Variants in CNTNAP2 observed in about 807,000 individuals in gnomAD.
CNTNAP2 encodes the protein contactin associated protein 2, also known as contactin-associated protein-like 2.
CNTNAP2 carries 98 observed loss-of-function variants against 155.2 expected under a neutral mutation model. The ratio of observed to expected loss-of-function variants is 0.63; its 90% CI spans 0.54 to 0.75. The LOEUF (loss-of-function observed/expected upper bound fraction) is 0.75, where lower values mean the gene tolerates loss of function less well. Ranked by LOEUF, CNTNAP2 falls within the 30% of genes least tolerant of loss-of-function variation. The pLI, the probability that CNTNAP2 is intolerant of heterozygous loss-of-function variation, is 0.00. For missense variants in CNTNAP2, 1,727 were observed against 1,688.1 expected, an observed-to-expected ratio of 1.02 and a Z score of -0.40; for synonymous variants, 651 against 631.2, an observed-to-expected ratio of 1.03 and a Z score of -0.47.
chr7:147,930,099 C>A (rs941293079), intron 14 of CNTNAP2, among the ~76,000 whole-genome samples: 2 of 151,668 alleles, frequency 1.3e-5, no homozygotes, highest in Non-Finnish European at 2.9e-5. Context: ...GAGTTGGGAA[C>A]CCCTGTATAG....
chr7:146,250,614 G>A (rs1397224055), intron 1 of CNTNAP2, among the ~76,000 whole-genome samples: 3 of 152,094 alleles, frequency 2.0e-5, no homozygotes, highest in Non-Finnish European at 4.4e-5. Flanking sequence ...TCTACTGATG[G>A]CATCACTATG....
intron 15 of CNTNAP2, among the ~76,000 whole-genome samples, chr7:148,084,185 C>T (rs888273128): frequency 1.3e-5 from 2 of 152,142 alleles, no homozygotes; most frequent in East Asian, 1.9e-4. Context: ...TCTTTTAATG[C>T]GTTCATTACT....
chr7:147,070,156 G>A (rs1421622913), intron 4 of CNTNAP2, among the ~76,000 whole-genome samples: 2 of 152,088 alleles, frequency 1.3e-5, no homozygotes, highest in Admixed American at 6.6e-5. Context: ...TTTACATATT[G>A]CAATTTTATG....
At chr7:147,073,810 A>G (rs1030901559) in intron 4 of CNTNAP2, among the ~76,000 whole-genome samples, 2 of 152,132 alleles carry the variant, frequency 1.3e-5, no homozygotes, top group Admixed American at 6.5e-5. Flanking sequence ...GTTGTTGGTG[A>G]CCATAGCATG....
At chr7:147,421,423 C>T (rs1797288554) in intron 10 of CNTNAP2, among the ~76,000 whole-genome samples, 1 of 151,964 alleles carries the variant, frequency 6.6e-6, no homozygotes, top group Non-Finnish European at 1.5e-5. Context: ...CACTTTTATT[C>T]ATTCAAAATA....
chr7:147,124,770 A>G (rs1431613434), intron 6 of CNTNAP2, among the ~76,000 whole-genome samples: 1 of 152,112 alleles, frequency 6.6e-6, no homozygotes, highest in East Asian at 1.9e-4. Context: ...GCTAGCGTAA[A>G]TTAAATATAC....
Position 147,677,134 on chromosome 7 carries a change from C to A in CNTNAP2, c.2098+37828C>A, listed in dbSNP as rs1260780194. ...ACTGGCTAGTTTACATTATCACCAA[C>A]ATCAGGCAAGTTCTCCTTTCTTTAC... On this transcript the variant is annotated intron_variant, in intron 13 of 23. Transcript: ENST00000361727. 2.6e-5 allele frequency among the ~76,000 whole-genome samples: 4 copies of A among 151,534 alleles called. No individual in the cohort carries two copies. The East Asian group carries it at 7.8e-4, about 29-fold the overall frequency.
In CNTNAP2 at chr7:147,733,184, T is replaced by G. The variant is rs550123907; in HGVS notation, c.2098+93878T>G. On this transcript the variant is annotated intron_variant, in intron 13 of 23. Transcript: ENST00000361727. ...GTTTTAGGTCTAACATTTAAGTCTT[T>G]AATCCATCTTGAATTCATTTTTGTA... is the stretch of plus-strand genomic sequence containing the variant. 2.5e-4 allele frequency among the ~76,000 whole-genome samples: 38 copies of G among 152,358 alleles called. No individual in the cohort carries two copies. The South Asian group carries it at 6.4e-3, about 26-fold the overall frequency.
At chr7:147,120,403 G>C (rs1801080078) in intron 5 of CNTNAP2, among the ~76,000 whole-genome samples, 1 of 152,076 alleles carries the variant, frequency 6.6e-6, no homozygotes, top group African/African-American at 2.4e-5. Flanking sequence ...AGCTAAAAGT[G>C]GAGCCAGCAT....
chr7:147,212,761 A>G (rs1197863098), intron 8 of CNTNAP2, among the ~76,000 whole-genome samples: 2 of 152,158 alleles, frequency 1.3e-5, no homozygotes, highest in Admixed American at 1.3e-4. Flanking sequence ...TTAAAAACAA[A>G]ATTGTATTCT....
chr7:146,931,334 C>A (rs951026977), intron 3 of CNTNAP2, among the ~76,000 whole-genome samples: 77 of 151,756 alleles, frequency 5.1e-4, no homozygotes, highest in Middle Eastern at 3.4e-3. Flanking sequence ...TCCTGAATGA[C>A]TACTGGGTAC....
At position 147,927,142 on chromosome 7, in the gene CNTNAP2, A is replaced by T. The variant is rs370247387; in HGVS notation, c.2255+23421A>T. Among the ~76,000 whole-genome samples the T allele has an allele frequency of 2.3e-4, 35 of 152,322 alleles. No individual in the cohort carries two copies. The East Asian group carries it at 5.4e-3, about 23-fold the overall frequency. ...AGATAAATATGCATTTATTCTATTT[A>T]GTTGTAGAATGATAAAGATAATTTT... On this transcript the variant is annotated intron_variant, in intron 14 of 23. Coordinates refer to ENST00000361727, the MANE Select transcript of CNTNAP2 (RefSeq NM_014141.6).
At chr7:146,954,379 A>G (rs1797389587) in intron 3 of CNTNAP2, among the ~76,000 whole-genome samples, 1 of 151,944 alleles carries the variant, frequency 6.6e-6, no homozygotes, top group Non-Finnish European at 1.5e-5. Flanking sequence ...TTAAACATGG[A>G]AAGTATGCAT....
chr7:148,044,034 C>G (rs776641679), intron 15 of CNTNAP2, among the ~76,000 whole-genome samples: 1 of 152,072 alleles, frequency 6.6e-6, no homozygotes, highest in Non-Finnish European at 1.5e-5. Flanking sequence ...GAGCTTGTAA[C>G]AGACATAAAA....
chr7:147,375,467 C>T (rs1468528634), intron 9 of CNTNAP2, among the ~76,000 whole-genome samples: 1 of 151,976 alleles, frequency 6.6e-6, no homozygotes, highest in East Asian at 1.9e-4. Context: ...AATTGAGATT[C>T]CCAGTTGCAG....
chr7:146,754,851 T>G (rs1801967332), intron 1 of CNTNAP2, among the ~76,000 whole-genome samples: 1 of 151,964 alleles, frequency 6.6e-6, no homozygotes, highest in South Asian at 2.1e-4. Flanking sequence ...TCAAAACTAT[T>G]TTCCTGTTTC....
At chr7:146,324,521 T>C (rs1387477868) in intron 1 of CNTNAP2, among the ~76,000 whole-genome samples, 1 of 152,188 alleles carries the variant, frequency 6.6e-6, no homozygotes, top group Non-Finnish European at 1.5e-5. Flanking sequence ...CTAGACGTAG[T>C]AGAAATACTT....
rs1798993270 is a variant in CNTNAP2 at position 148,378,623 on chromosome 7, A to T, written c.3476-5026A>T. 3.0e-5 allele frequency among the ~76,000 whole-genome samples: 2 copies of T among 66,958 alleles called. 1 individual carries two copies. Among genetic ancestry groups the T allele is most frequent in the African/African-American group, 7.3e-5 (2 of 27,270 alleles). 43.9% of individuals were successfully genotyped at this position (66,958 alleles called of 152,430 possible). Reference sequence around the variant, plus strand: ...GTTAAAAAGTTTATGTTAAAGAGAAATTTTGCAATACTACCATGAAATGAA... The same window carrying T: ...GTTAAAAAGTTTATGTTAAAGAGAATTTTTGCAATACTACCATGAAATGAA... On this transcript the variant is annotated intron_variant, in intron 21 of 23. Transcript: ENST00000361727.
intron 11 of CNTNAP2, among the ~76,000 whole-genome samples, chr7:147,495,196 A>G (rs1387435350): frequency 6.6e-6 from 1 of 152,192 alleles, no homozygotes; most frequent in African/African-American, 2.4e-5. Flanking sequence ...ATATGAACCA[A>G]GATATTTGGG....
Sources: gnomAD v4.1 joint callset for allele counts (sites outside exome capture counted in the v4.1 genomes callset) on GRCh38, gnomAD v4.1.1 for gene constraint, MANE v1.5 for transcripts, NCBI Gene and HGNC (gene_info 2026-07-23, HGNC 2026-07-21) for gene names.